DISC1: variants seen among roughly 807,000 people sequenced by gnomAD.
The protein encoded by DISC1 is DISC1 scaffold protein.
A neutral mutation model predicts 84.5 loss-of-function variants in DISC1; 57 were observed. The ratio of observed to expected loss-of-function variants is 0.67; its 90% confidence interval spans 0.55 to 0.84. The LOEUF is 0.84. Among genes scored for constraint, DISC1 ranks in the 40% least tolerant of loss-of-function variants. The pLI is 0.00. For synonymous variants in DISC1, 411 were observed against 415.2 expected, an observed-to-expected ratio of 0.99 and a Z score of 0.12; for missense variants, 1,000 against 1,057.8, an observed-to-expected ratio of 0.95 and a Z score of 0.76.
intron 1 of DISC1, among the ~76,000 whole-genome samples, chr1:231,691,321 C>T (rs1026245093): frequency 2.0e-5 from 3 of 152,082 alleles, no homozygotes; most frequent in East Asian, 3.9e-4. Flanking sequence ...ATCCCAGCTA[C>T]TTGGGAGGCT....
At chr1:231,825,095 T>A (rs946992721) in intron 9 of DISC1, among the ~76,000 whole-genome samples, 5 of 152,350 alleles carry the variant, frequency 3.3e-5, no homozygotes, top group African/African-American at 1.2e-4. Context: ...ATTTATTTTC[T>A]TGCTCTCAGC....
chr1:231,689,327 CT>C lies in DISC1; in HGVS notation c.68-4489del, dbSNP rs113300309. ...AAGTGACCTGCCCAAGCCCACGTGT[CT>C]TTTTTTTTTGTTGTTTTTTTGAGAC... On this transcript the variant is annotated intron_variant, in intron 1 of 12. Transcript: ENST00000439617. Among the ~76,000 whole-genome samples, 898 of 149,330 alleles carry C rather than the reference CT, an allele frequency of 6.0e-3. 7 individuals are homozygous for C. The highest frequency in any genetic ancestry group is 8.3e-3 in the Non-Finnish European group (554 of 67,134).
intron 4 of DISC1, among the ~76,000 whole-genome samples, chr1:231,759,552 C>CAAAAAAAAAAAAAAAA (rs1359575315): frequency 1.6e-5 from 1 of 64,336 alleles, no homozygotes; most frequent in Non-Finnish European, 3.0e-5. Flanking sequence ...AAAAAAAAAA[C>CAAAAAAAAAAAAAAAA]AAAACTAGCC....
At chr1:231,687,678 G>A (rs1403194513) in intron 1 of DISC1, among the ~76,000 whole-genome samples, 1 of 152,222 alleles carries the variant, frequency 6.6e-6, no homozygotes, top group Non-Finnish European at 1.5e-5. Flanking sequence ...TGCACTTTCT[G>A]TTGGACTTCC....
chr1:231,693,837 T>G lies in DISC1; in HGVS notation c.79T>G (p.Cys27Gly), dbSNP rs2065331542. ...TCTTTTCTTCCCAGGCAGCCGGGAT[T>G]GCTTACCACCTGCAGCGTGCTTTCG... ...GVSHRAGSRD[C>G]LPPAACFRRR... The change falls in exon 2 of 13, where the codon TGC becomes GGC. Residue 27 changes from cysteine (C) to glycine (G), a missense_variant. By Grantham distance (159) the Cys-to-Gly change is radical. Transcript: ENST00000439617. 4.3e-6 allele frequency: 7 copies of G among 1,613,644 alleles called. No homozygotes were observed. Among genetic ancestry groups the G allele is most frequent in the Non-Finnish European group, 5.9e-6 (7 of 1,180,038 alleles).
intron 3 of DISC1, among the ~76,000 whole-genome samples, chr1:231,732,270 A>G (rs553289457): frequency 6.6e-6 from 1 of 152,340 alleles, no homozygotes; most frequent in South Asian, 2.1e-4. Flanking sequence ...ACATCGCATC[A>G]TGAATTTTTT....
chr1:231,902,502 G>A (rs1304678883), intron 9 of DISC1, among the ~76,000 whole-genome samples: 2 of 152,002 alleles, frequency 1.3e-5, no homozygotes, highest in African/African-American at 2.4e-5. Context: ...TCGGGAGGCT[G>A]AGGCAGGAGA....
intron 6 of DISC1, among the ~76,000 whole-genome samples, chr1:231,786,187 A>G (rs2077844087): frequency 6.6e-6 from 1 of 152,198 alleles, no homozygotes; most frequent in African/African-American, 2.4e-5. Flanking sequence ...AAAAATAAAA[A>G]AGGCTAGTAA....
In DISC1 at chr1:231,642,064, T is replaced by C. The variant is rs1044400411; in HGVS notation, c.67+15130T>C. 1.6e-4 allele frequency among the ~76,000 whole-genome samples: 24 copies of C among 152,296 alleles called. No individual in the cohort carries two copies. The East Asian group carries it at 4.5e-3, about 28-fold the overall frequency. On this transcript the variant is annotated intron_variant, in intron 1 of 12. Transcript: ENST00000439617. ...CACGAAGGGCGGGGAGGCTCAGGCA[T>C]GGCGGGCTGCAGGTCCCCAGCCCTG...
At chr1:231,866,584 G>C in intron 9 of DISC1, 1 of 1,346,968 alleles carries the variant, frequency 7.4e-7, no homozygotes, top group East Asian at 2.3e-5. Context: ...CCTGAGGACA[G>C]CCTGCAGGAC....
At chr1:231,717,036 T>A (rs1381130655) in intron 3 of DISC1, among the ~76,000 whole-genome samples, 2 of 152,144 alleles carry the variant, frequency 1.3e-5, no homozygotes, top group African/African-American at 4.8e-5. Context: ...TCCTTCCAGA[T>A]TTAGCAAGCT....
intron 9 of DISC1, among the ~76,000 whole-genome samples, chr1:231,833,649 T>G (rs1438712763): frequency 1.3e-5 from 2 of 152,172 alleles, no homozygotes; most frequent in Non-Finnish European, 2.9e-5. Context: ...CTTGGCCTGG[T>G]GGCCAGATTT....
chr1:231,699,073 A>T (rs2066073538), intron 2 of DISC1, among the ~76,000 whole-genome samples: 1 of 152,192 alleles, frequency 6.6e-6, no homozygotes. Flanking sequence ...TTGGGGGGCA[A>T]GAACCCAGCC....
At chr1:231,993,356 G>A (rs181525513) in intron 10 of DISC1, among the ~76,000 whole-genome samples, 10 of 151,420 alleles carry the variant, frequency 6.6e-5, no homozygotes, top group South Asian at 2.1e-4. Context: ...AGGCATTCAC[G>A]TTTTTGGAGC....
chr1:231,933,655 T>C (rs556893715), intron 9 of DISC1, among the ~76,000 whole-genome samples: 17 of 152,342 alleles, frequency 1.1e-4, no homozygotes, highest in African/African-American at 4.1e-4. Context: ...TAAAAGGACA[T>C]TGGTGAATTT....
chr1:231,944,974 A>G (rs985135067), intron 9 of DISC1: 33 of 152,228 alleles, frequency 2.2e-4, no homozygotes, highest in African/African-American at 6.7e-4. Context: ...AGCGGCTTAG[A>G]CTCCCACACA....
intron 9 of DISC1, among the ~76,000 whole-genome samples, chr1:231,898,571 A>G (rs1232012989): frequency 2.0e-5 from 3 of 152,260 alleles, no homozygotes; most frequent in Non-Finnish European, 4.4e-5. Context: ...AAAACAAAAT[A>G]TAATTTGGGA....
At position 232,007,776 on chromosome 1, in the gene DISC1, G is replaced by A. The variant is rs186310319; in HGVS notation, c.2043-1009G>A. ...GACTTGAGATTTGAGAGGGGCTGGGGTGAAATGATATGGTTAGGCTTTGTG... is the reference window on the plus strand; with the variant it reads ...GACTTGAGATTTGAGAGGGGCTGGGATGAAATGATATGGTTAGGCTTTGTG... On this transcript the variant is annotated intron_variant, in intron 10 of 12. Transcript: ENST00000439617. 3.0e-3 allele frequency among the ~76,000 whole-genome samples: 453 copies of A among 152,224 alleles called. 1 individual carries two copies. The highest frequency in any genetic ancestry group is 0.01 in the Middle Eastern group (3 of 294).
chr1:231,744,856 A>C (rs2073785803), intron 3 of DISC1, among the ~76,000 whole-genome samples: 1 of 152,206 alleles, frequency 6.6e-6, no homozygotes, highest in Non-Finnish European at 1.5e-5. Context: ...ACTACCTGTT[A>C]AACTCATAAA....
Sources: allele counts gnomAD v4.1 joint callset (sites outside exome capture counted in the v4.1 genomes callset), GRCh38; gene constraint gnomAD v4.1.1; transcripts MANE v1.5; gene names NCBI Gene and HGNC (gene_info 2026-07-23, HGNC 2026-07-21).